The following DOCK1 variants were observed in gnomAD, a reference collection of about 807,000 sequenced individuals.
The protein encoded by DOCK1 is dedicator of cytokinesis 1.
DOCK1 carries 138 observed loss-of-function variants against 262.7 expected under a neutral mutation model. The ratio of observed to expected loss-of-function variants is 0.53; its 90% CI spans 0.46 to 0.61. The LOEUF (loss-of-function observed/expected upper bound fraction) is 0.61, where lower values mean the gene tolerates loss of function less well. Ranked by LOEUF, DOCK1 falls within the 20% of genes least tolerant of loss-of-function variation. The pLI is 0.00. For missense variants in DOCK1, 1,908 were observed against 2,370.7 expected (o/e 0.80, Z 4.05); for synonymous variants, 866 against 867.4 (o/e 1.00, Z 0.03).
chr10:126,948,582 C>T (rs1364388501), intron 1 of DOCK1, among the ~76,000 whole-genome samples: 1 of 151,906 alleles, frequency 6.6e-6, no homozygotes, highest in African/African-American at 2.4e-5. Flanking sequence ...CACCCTGAAA[C>T]AGGGCCCTCA....
chr10:127,279,210 C>G (rs1375088502), intron 29 of DOCK1, among the ~76,000 whole-genome samples: 2 of 152,150 alleles, frequency 1.3e-5, no homozygotes, highest in Non-Finnish European at 2.9e-5. Flanking sequence ...GGATTTCTCA[C>G]AAATTATTAT....
At chr10:127,086,611 T>A (rs7098599) in intron 23 of DOCK1, among the ~76,000 whole-genome samples, 35,914 of 152,032 alleles carry the variant, frequency 0.24, 6,084 homozygotes, top group African/African-American at 0.49. Flanking sequence ...TATATAACAG[T>A]TAATTAAAAA....
chr10:127,061,304 G>A (rs111654987), intron 22 of DOCK1, among the ~76,000 whole-genome samples: 339 of 152,244 alleles, frequency 2.2e-3, no homozygotes, highest in African/African-American at 7.9e-3. Flanking sequence ...AATTTTTGTG[G>A]GGTAGAAATA....
At chr10:127,197,266 A>C (rs1398637455) in intron 27 of DOCK1, among the ~76,000 whole-genome samples, 1 of 152,200 alleles carries the variant, frequency 6.6e-6, no homozygotes, top group African/African-American at 2.4e-5. Context: ...AGCACACACC[A>C]CCCGTCAGCA....
At chr10:127,251,816 A>G (rs1403327736) in intron 28 of DOCK1, among the ~76,000 whole-genome samples, 29 of 144,116 alleles carry the variant, frequency 2.0e-4, no homozygotes, top group African/African-American at 7.3e-4. Context: ...AGTCTTTGCT[A>G]TTGTGAATAG....
chr10:127,294,315 T>C (rs1307660466), intron 29 of DOCK1, among the ~76,000 whole-genome samples: 1 of 152,178 alleles, frequency 6.6e-6, no homozygotes, highest in Non-Finnish European at 1.5e-5. Context: ...TGTTTTGTTT[T>C]GTTTTGTTTT....
At chr10:127,303,329 T>C (rs1199227792) in intron 29 of DOCK1, among the ~76,000 whole-genome samples, 1 of 152,118 alleles carries the variant, frequency 6.6e-6, no homozygotes, top group Non-Finnish European at 1.5e-5. Flanking sequence ...GGATGAGTAA[T>C]TTGATCTCAT....
intron 23 of DOCK1, among the ~76,000 whole-genome samples, chr10:127,076,399 A>G (rs979673782): frequency 2.7e-4 from 41 of 152,100 alleles, no homozygotes; most frequent in Admixed American, 2.6e-3. Flanking sequence ...TAATCAGGAG[A>G]CTGAGGCAGG....
chr10:127,060,405 T>G (rs2045455329), intron 22 of DOCK1, among the ~76,000 whole-genome samples: 1 of 152,210 alleles, frequency 6.6e-6, no homozygotes, highest in Non-Finnish European at 1.5e-5. Context: ...TAGGTTGCAA[T>G]TTCCCATTTT....
At chr10:126,992,723 A>AC (rs10717626) in intron 6 of DOCK1, among the ~76,000 whole-genome samples, 12 of 147,964 alleles carry the variant, frequency 8.1e-5, no homozygotes, top group Non-Finnish European at 1.7e-4. Flanking sequence ...AGGCACACAG[A>AC]CCCCCCCAAC....
intron 6 of DOCK1, 35 bp from the exon 7 acceptor site, chr10:126,996,713 A>T (rs745577762): frequency 6.3e-7 from 1 of 1,580,706 alleles, no homozygotes; most frequent in Admixed American, 1.9e-5. Context: ...TCCTTGGTCT[A>T]TGTCTGTGAA....
chr10:126,953,240 G>A (rs1428331413), intron 1 of DOCK1, among the ~76,000 whole-genome samples: 3 of 151,166 alleles, frequency 2.0e-5, no homozygotes, highest in Non-Finnish European at 4.4e-5. Flanking sequence ...TAGTAGTGTT[G>A]GTAGTGGTGG....
intron 27 of DOCK1, among the ~76,000 whole-genome samples, chr10:127,154,676 G>T (rs964736302): frequency 2.0e-5 from 3 of 152,102 alleles, no homozygotes; most frequent in Non-Finnish European, 4.4e-5. Context: ...TACTTTCCCT[G>T]GCTTTATTCT....
chr10:127,134,427 C>T (rs2050522497), intron 27 of DOCK1, among the ~76,000 whole-genome samples: 1 of 152,130 alleles, frequency 6.6e-6, no homozygotes, highest in Non-Finnish European at 1.5e-5. Context: ...TAAGTTGTTT[C>T]CAAGGTAGCA....
At position 127,091,004 on chromosome 10, in the gene DOCK1, C is replaced by T. The variant is rs1264029491; in HGVS notation, c.2446-15227C>T. On this transcript the variant is annotated intron_variant, in intron 23 of 51. Coordinates refer to ENST00000623213, the MANE Select transcript of DOCK1 (RefSeq NM_001290223.2). The stretch of plus-strand genomic sequence containing the variant: ...TTTGGTTTTTTTTTTTTTTTTGAGA[C>T]GGAGTCTCATTCTGTTGCCCAGGCT... Among the ~76,000 whole-genome samples, 9 of 139,222 alleles carry T rather than the reference C, an allele frequency of 6.5e-5. No individual in the cohort carries two copies. In the South Asian group the frequency reaches 1.1e-3, roughly 17 times the overall value. 91.3% of individuals were successfully genotyped at this position (139,222 alleles called of 152,430 possible). A position where few individuals can be genotyped will look rare whatever the true frequency, so the allele number is the denominator to read the frequency against.
chr10:126,957,265 C>T (rs974123552), intron 1 of DOCK1, among the ~76,000 whole-genome samples: 4 of 152,122 alleles, frequency 2.6e-5, no homozygotes, highest in African/African-American at 9.7e-5. Context: ...GCTGCCTTTC[C>T]CTGTCTTCTC....
rs74721427 is a variant in DOCK1 at position 127,130,065 on chromosome 10, C to CT, written c.2847+2332dup. ...CAATCCTGCCTCCAGTTAGGGTCTT[C>CT]TTTTTTTTTTTTTTTTTTTTTTTTT... On this transcript the variant is annotated intron_variant, in intron 27 of 51. Coordinates refer to ENST00000623213, the MANE Select transcript of DOCK1 (RefSeq NM_001290223.2). Among the ~76,000 whole-genome samples, 44 of 117,532 alleles carry CT rather than the reference C, an allele frequency of 3.7e-4. 1 individual carries two copies. The highest frequency in any genetic ancestry group is 1.6e-3 in the African/African-American group (40 of 25,360). The allele number at this position is 117,532 out of a possible 152,430, so 77.1% of individuals were successfully genotyped here.
chr10:127,318,647 G>A (rs887752842), intron 29 of DOCK1, among the ~76,000 whole-genome samples: 11 of 152,206 alleles, frequency 7.2e-5, no homozygotes, highest in South Asian at 4.1e-4. Flanking sequence ...TGGCAGTGTG[G>A]TCTCATTGTG....
At chr10:127,297,197 A>T (rs2061532841) in intron 29 of DOCK1, among the ~76,000 whole-genome samples, 1 of 152,110 alleles carries the variant, frequency 6.6e-6, no homozygotes, top group Admixed American at 6.5e-5. Context: ...AGATGGAAGG[A>T]GGTGTTGGAA....
Sources: gnomAD v4.1 joint callset for allele counts (sites outside exome capture counted in the v4.1 genomes callset) on GRCh38, gnomAD v4.1.1 for gene constraint, MANE v1.5 for transcripts, NCBI Gene and HGNC (gene_info 2026-07-23, HGNC 2026-07-21) for gene names.